NAV3: variants seen among roughly 807,000 people sequenced by gnomAD.
NAV3 encodes the protein neuron navigator 3, also known as pore membrane and/or filament interacting like protein 1.
A neutral mutation model predicts 244.7 loss-of-function variants in NAV3; 87 were observed. That is an observed-to-expected ratio of 0.36 (90% CI 0.30 to 0.42). The LOEUF is 0.42. Among genes scored for constraint, NAV3 ranks in the 20% least tolerant of loss-of-function variants. The pLI is 1.00. For missense variants in NAV3, 2,663 were observed against 2,893.3 expected (o/e 0.92, Z 1.83); for synonymous variants, 1,126 against 1,042.2 (o/e 1.08, Z -1.55).
At chr12:78,138,055 A>T (rs1956450458) in intron 19 of NAV3, among the ~76,000 whole-genome samples, 1 of 152,140 alleles carries the variant, frequency 6.6e-6, no homozygotes, top group African/African-American at 2.4e-5. Flanking sequence ...TGATTTAATG[A>T]ATTTTTTTAG....
At chr12:78,047,100 C>T (rs1278034746) in intron 9 of NAV3, among the ~76,000 whole-genome samples, 1 of 152,106 alleles carries the variant, frequency 6.6e-6, no homozygotes, top group Non-Finnish European at 1.5e-5. Flanking sequence ...ATTCCTCCAT[C>T]CCTTTATTTT....
rs750520245 is a variant in NAV3 at position 78,006,852 on chromosome 12, C to T, written c.1314C>T (p.Ser438=). 3.1e-6 allele frequency: 5 copies of T among 1,614,116 alleles called. No homozygotes were observed. In the South Asian group the frequency reaches 5.5e-5, roughly 18 times the overall value. The change falls in exon 8 of 40, where the codon AGC becomes AGT. Residue 438 remains serine, a synonymous_variant. Coordinates refer to ENST00000397909, the MANE Select transcript of NAV3 (RefSeq NM_001024383.2). ...TGAATAGTGGTGGCTCAACAAATAG[C>T]AGTCCCAAAGTGTCACCTAAGTTGG... ...SGLNSGGSTN[S]SPKVSPKLAP...
chr12:77,861,727 C>T (rs1565866349), intron 1 of NAV3, among the ~76,000 whole-genome samples: 1 of 151,618 alleles, frequency 6.6e-6, no homozygotes, highest in Non-Finnish European at 1.5e-5. Flanking sequence ...AAACAGAAAT[C>T]TTAGGGGAGG....
chr12:78,030,802 GA>G (rs1237492174), intron 9 of NAV3, among the ~76,000 whole-genome samples: 1 of 152,170 alleles, frequency 6.6e-6, no homozygotes, highest in Non-Finnish European at 1.5e-5. Context: ...GAACTTAAAA[GA>G]AGATCAGACA....
chr12:77,726,583 G>T (rs917094810), intron 2 of NAV3, among the ~76,000 whole-genome samples: 1 of 151,796 alleles, frequency 6.6e-6, no homozygotes, highest in Non-Finnish European at 1.5e-5. Context: ...GAAAAAAAAT[G>T]GAAAGAATAT....
At chr12:78,064,483 A>G (rs1884768410) in intron 12 of NAV3, among the ~76,000 whole-genome samples, 1 of 147,760 alleles carries the variant, frequency 6.8e-6, no homozygotes, top group African/African-American at 2.5e-5. Flanking sequence ...ATATAGAGAG[A>G]GGTCTTTGGT....
At chr12:78,076,076 T>G (rs954879661) in intron 12 of NAV3, among the ~76,000 whole-genome samples, 1 of 152,206 alleles carries the variant, frequency 6.6e-6, no homozygotes, top group African/African-American at 2.4e-5. Context: ...CTCTCCCTTC[T>G]TGTTTTCCCA....
intron 1 of NAV3, among the ~76,000 whole-genome samples, chr12:77,877,284 T>C (rs1881976085): frequency 6.6e-6 from 1 of 152,118 alleles, no homozygotes; most frequent in Non-Finnish European, 1.5e-5. Context: ...AGTTATTTTA[T>C]TATTAAAATA....
intron 2 of NAV3, among the ~76,000 whole-genome samples, chr12:77,754,098 T>G (rs1337714809): frequency 6.6e-6 from 1 of 152,178 alleles, no homozygotes; most frequent in African/African-American, 2.4e-5. Context: ...TTATACGTAT[T>G]TTTGAATAGC....
At chr12:78,070,439 C>T (rs987154213) in intron 12 of NAV3, among the ~76,000 whole-genome samples, 2 of 150,304 alleles carry the variant, frequency 1.3e-5, no homozygotes, top group Non-Finnish European at 3.0e-5. Flanking sequence ...AGAATAATGA[C>T]GTCAATAATA....
intron 2 of NAV3, among the ~76,000 whole-genome samples, chr12:77,781,762 G>A (rs1870672177): frequency 6.6e-6 from 1 of 152,170 alleles, no homozygotes; most frequent in African/African-American, 2.4e-5. Context: ...AATTAGGGAA[G>A]CAACTTTGTG....
intron 8 of NAV3, among the ~76,000 whole-genome samples, chr12:78,010,669 C>A (rs1405905184): frequency 1.3e-5 from 2 of 151,930 alleles, no homozygotes; most frequent in Non-Finnish European, 2.9e-5. Context: ...AGTACACTTG[C>A]AAAATTCTCA....
intron 1 of NAV3, among the ~76,000 whole-genome samples, chr12:77,923,987 A>T (rs2137210831): frequency 6.6e-6 from 1 of 152,274 alleles, no homozygotes; most frequent in African/African-American, 2.4e-5. Flanking sequence ...CCTGTACATA[A>T]GGGAGTTGTT....
At chr12:78,062,556 T>G (rs1053945641) in intron 12 of NAV3, among the ~76,000 whole-genome samples, 10 of 152,272 alleles carry the variant, frequency 6.6e-5, no homozygotes, top group South Asian at 2.1e-4. Flanking sequence ...TTTAATTCAG[T>G]GCTCCATGAG....
At chr12:77,939,339 T>A (rs886787101) in intron 1 of NAV3, among the ~76,000 whole-genome samples, 1 of 152,160 alleles carries the variant, frequency 6.6e-6, no homozygotes, top group Non-Finnish European at 1.5e-5. Context: ...TTCTCAGGCC[T>A]AGGTTCTATG....
intron 12 of NAV3, among the ~76,000 whole-genome samples, chr12:78,092,658 C>T (rs1954019755): frequency 2.0e-5 from 3 of 151,732 alleles, no homozygotes; most frequent in African/African-American, 7.3e-5. Flanking sequence ...TGCCACCATG[C>T]CCGGCTAATT....
At chr12:78,013,881 T>C (rs1875734695) in intron 8 of NAV3, among the ~76,000 whole-genome samples, 3 of 152,068 alleles carry the variant, frequency 2.0e-5, no homozygotes, top group African/African-American at 7.2e-5. Context: ...TTCTGTTTTT[T>C]TAAAACTCCT....
intron 1 of NAV3, among the ~76,000 whole-genome samples, chr12:77,928,244 G>A (rs66537447): frequency 0.4 from 38,992 of 97,106 alleles, 6,429 homozygotes; most frequent in East Asian, 0.48. Flanking sequence ...AAAAAAAAAA[G>A]AGAGAGAGGG....
At chr12:78,197,476 C>T in intron 35 of NAV3, 75 bp downstream of exon 35, 1 of 1,083,470 alleles carries the variant, frequency 9.2e-7, no homozygotes, top group Non-Finnish European at 1.3e-6. Context: ...TACCTGTATG[C>T]ATTTTTAAAA....
Sources: allele counts gnomAD v4.1 joint callset (sites outside exome capture counted in the v4.1 genomes callset), GRCh38; gene constraint gnomAD v4.1.1; transcripts MANE v1.5; gene names NCBI Gene and HGNC (gene_info 2026-07-23, HGNC 2026-07-21).